Variants in CSNK1G3 observed in about 807,000 individuals in gnomAD.
CSNK1G3 encodes casein kinase I isoform gamma-3.
In CSNK1G3, 23 loss-of-function variants were observed where a neutral mutation model predicts 64.3. The ratio of observed to expected loss-of-function variants is 0.36; its 90% CI spans 0.26 to 0.51. The LOEUF is 0.51. Among genes scored for constraint, CSNK1G3 ranks in the 20% least tolerant of loss-of-function variants. The pLI is 0.96. For synonymous variants in CSNK1G3, 158 were observed against 162.2 expected, an observed-to-expected ratio of 0.97 and a Z score of 0.20; for missense variants, 357 against 510.5, an observed-to-expected ratio of 0.70 and a Z score of 2.90.
chr5:123,596,516 TTTTC>T (rs1279593751), intron 10 of CSNK1G3, among the ~76,000 whole-genome samples: 1 of 152,170 alleles, frequency 6.6e-6, no homozygotes, highest in Non-Finnish European at 1.5e-5. Flanking sequence ...ACCAGATTTA[TTTTC>T]TTAGCCTCTT....
intron 2 of CSNK1G3, among the ~76,000 whole-genome samples, chr5:123,546,344 A>G (rs1443543641): frequency 3.3e-5 from 5 of 152,152 alleles, no homozygotes; most frequent in Non-Finnish European, 4.4e-5. Context: ...TCAGGAGTCT[A>G]TATTCTTAAC....
chr5:123,557,964 G>GTA (rs1264938132), intron 4 of CSNK1G3, among the ~76,000 whole-genome samples: 2 of 152,162 alleles, frequency 1.3e-5, no homozygotes, highest in African/African-American at 2.4e-5. Flanking sequence ...GACTTTGCAA[G>GTA]TATGATAAAT....
At chr5:123,573,966 C>A (rs1788635358) in intron 5 of CSNK1G3, among the ~76,000 whole-genome samples, 1 of 151,720 alleles carries the variant, frequency 6.6e-6, no homozygotes, top group Non-Finnish European at 1.5e-5. Context: ...TCTCCTGCCT[C>A]AGCCTCCCGA....
chr5:123,552,420 A>C (rs542794057), intron 2 of CSNK1G3, among the ~76,000 whole-genome samples: 1 of 152,220 alleles, frequency 6.6e-6, no homozygotes, highest in Non-Finnish European at 1.5e-5. Context: ...TTGGGATTAC[A>C]GGCATGAGCC....
At chr5:123,609,355 A>G (rs1451369755) in intron 12 of CSNK1G3, among the ~76,000 whole-genome samples, 1 of 152,158 alleles carries the variant, frequency 6.6e-6, no homozygotes, top group African/African-American at 2.4e-5. Context: ...TAAAAATATA[A>G]ATTAAGTTTT....
chr5:123,586,566 A>G (rs1791369136), intron 6 of CSNK1G3, among the ~76,000 whole-genome samples: 1 of 152,058 alleles, frequency 6.6e-6, no homozygotes, highest in Admixed American at 6.6e-5. Context: ...AAATAAAAAA[A>G]CCTCTCCGTT....
intron 6 of CSNK1G3, among the ~76,000 whole-genome samples, chr5:123,580,021 A>T (rs763390045): frequency 1.3e-5 from 2 of 152,040 alleles, no homozygotes; most frequent in Non-Finnish European, 2.9e-5. Flanking sequence ...TGGATATGGA[A>T]TACATAGCGG....
chr5:123,578,139 T>A (rs1161087013), intron 6 of CSNK1G3, among the ~76,000 whole-genome samples: 1 of 151,994 alleles, frequency 6.6e-6, no homozygotes, highest in Non-Finnish European at 1.5e-5. Flanking sequence ...TTTTGACTTA[T>A]GAATAAAACT....
chr5:123,568,704 C>T (rs1787450511), intron 4 of CSNK1G3, among the ~76,000 whole-genome samples: 1 of 152,144 alleles, frequency 6.6e-6, no homozygotes, highest in Non-Finnish European at 1.5e-5. Flanking sequence ...AGGCTCTTGT[C>T]TCCTTTGTAA....
At chr5:123,513,688 G>C (rs550454240) in intron 1 of CSNK1G3, among the ~76,000 whole-genome samples, 1 of 151,994 alleles carries the variant, frequency 6.6e-6, no homozygotes, top group Non-Finnish European at 1.5e-5. Flanking sequence ...ATCTAAGATG[G>C]GATATAAAAT....
At chr5:123,562,298 A>G (rs751666304) in intron 4 of CSNK1G3, among the ~76,000 whole-genome samples, 17 of 151,500 alleles carry the variant, frequency 1.1e-4, no homozygotes, top group Non-Finnish European at 2.2e-4. Flanking sequence ...TGAAACCTTT[A>G]TTTTTCTTTT....
intron 2 of CSNK1G3, among the ~76,000 whole-genome samples, chr5:123,552,203 G>A (rs1581080048): frequency 6.6e-6 from 1 of 151,632 alleles, no homozygotes; most frequent in East Asian, 1.9e-4. Context: ...GGAGTGGAGT[G>A]GTGTGATCTC....
intron 4 of CSNK1G3, among the ~76,000 whole-genome samples, chr5:123,559,183 G>A (rs940834467): frequency 6.6e-6 from 1 of 152,042 alleles, no homozygotes; most frequent in African/African-American, 2.4e-5. Flanking sequence ...TTTAGAGACT[G>A]AGAATGGGGG....
intron 12 of CSNK1G3, 21 bp from the exon 14 acceptor site, chr5:123,614,321 G>T (rs369672327): frequency 1.3e-5 from 21 of 1,604,344 alleles, no homozygotes; most frequent in Non-Finnish European, 1.7e-5. Flanking sequence ...AAAATAAAAA[G>T]AGTGTTTCCC....
At chr5:123,574,099 T>G (rs1788676188) in intron 5 of CSNK1G3, among the ~76,000 whole-genome samples, 3 of 152,186 alleles carry the variant, frequency 2.0e-5, no homozygotes, top group African/African-American at 7.2e-5. Context: ...TCCGCCCGCC[T>G]TGGCCTTCCA....
At chr5:123,575,605 A>G (rs1352898492) in intron 5 of CSNK1G3, 124 bp from the exon 6 acceptor site, 1 of 637,774 alleles carries the variant, frequency 1.6e-6, no homozygotes, top group Non-Finnish European at 2.8e-6. Flanking sequence ...TTTACTTTTA[A>G]AGGGTTGAAA....
At chr5:123,580,239 CA>C (rs1481912054) in intron 6 of CSNK1G3, among the ~76,000 whole-genome samples, 8 of 152,004 alleles carry the variant, frequency 5.3e-5, no homozygotes, top group African/African-American at 1.9e-4. Context: ...CTTAGGCACT[CA>C]AGGACTTCTT....
At chr5:123,519,343 G>C (rs574039401) in intron 1 of CSNK1G3, among the ~76,000 whole-genome samples, 2 of 152,218 alleles carry the variant, frequency 1.3e-5, no homozygotes, top group African/African-American at 4.8e-5. Flanking sequence ...ATGAGCCACT[G>C]TGCCCGGCTG....
At chr5:123,607,036 A>G (rs1324332826) in intron 12 of CSNK1G3, among the ~76,000 whole-genome samples, 1 of 152,154 alleles carries the variant, frequency 6.6e-6, no homozygotes, top group Non-Finnish European at 1.5e-5. Flanking sequence ...TGGCACAGTT[A>G]TTTAGTTGGG....
Sources: gnomAD v4.1 joint callset for allele counts (sites outside exome capture counted in the v4.1 genomes callset) on GRCh38, gnomAD v4.1.1 for gene constraint, MANE v1.5 for transcripts, NCBI Gene and HGNC (gene_info 2026-07-23, HGNC 2026-07-21) for gene names.